SHANK2: variants seen among roughly 807,000 people sequenced by gnomAD.
SHANK2 encodes SH3 and multiple ankyrin repeat domains 2.
A neutral mutation model predicts 133.7 loss-of-function variants in SHANK2; 43 were observed. The observed-to-expected ratio is 0.32, with a 90% CI of 0.25 to 0.41. SHANK2 has a LOEUF of 0.41. Ranked by LOEUF, SHANK2 falls within the 10% of genes least tolerant of loss-of-function variation. The pLI is 1.00. For synonymous variants in SHANK2, 1,017 were observed against 952.8 expected (o/e 1.07, Z -1.24); for missense variants, 1,994 against 2,235.8 (o/e 0.89, Z 2.18).
intron 14 of SHANK2, among the ~76,000 whole-genome samples, chr11:70,738,173 A>G (rs1946446661): frequency 6.6e-6 from 1 of 152,284 alleles, no homozygotes. Flanking sequence ...CACACATTCC[A>G]GGAGGGGCTT....
intron 10 of SHANK2, among the ~76,000 whole-genome samples, chr11:70,911,830 C>T (rs972813300): frequency 1.3e-5 from 2 of 151,806 alleles, no homozygotes; most frequent in Non-Finnish European, 2.9e-5. Context: ...ACCTGTAATC[C>T]CTGCACTTTG....
chr11:70,753,387 A>G (rs1291716311), intron 14 of SHANK2, among the ~76,000 whole-genome samples: 2 of 152,144 alleles, frequency 1.3e-5, no homozygotes, highest in Non-Finnish European at 2.9e-5. Flanking sequence ...ATTCTTTTCA[A>G]TGTCCACAGA....
chr11:71,120,709 T>TG (rs1462615543), intron 3 of SHANK2, among the ~76,000 whole-genome samples: 1 of 152,136 alleles, frequency 6.6e-6, no homozygotes, highest in Non-Finnish European at 1.5e-5. Context: ...CCCCCATCCT[T>TG]GGCTAAGCAA....
At chr11:70,689,820 A>G (rs782350693) in intron 15 of SHANK2, among the ~76,000 whole-genome samples, 3 of 152,226 alleles carry the variant, frequency 2.0e-5, no homozygotes, top group Non-Finnish European at 2.9e-5. Context: ...GAAAAAATAG[A>G]CAAACACAAT....
chr11:70,857,749 A>C, intron 11 of SHANK2, among the ~76,000 whole-genome samples: 1 of 152,196 alleles, frequency 6.6e-6, no homozygotes, highest in East Asian at 1.9e-4. Context: ...GGAAGAACTG[A>C]CGGCAGCCTT....
chr11:70,628,243 A>C (rs1327186796), intron 17 of SHANK2, among the ~76,000 whole-genome samples: 1 of 152,140 alleles, frequency 6.6e-6, no homozygotes, highest in Non-Finnish European at 1.5e-5. Flanking sequence ...GAGAGTTCTT[A>C]AAACTGAAGA....
At chr11:70,731,236 A>G (rs1555032101) in intron 14 of SHANK2, among the ~76,000 whole-genome samples, 43 of 152,232 alleles carry the variant, frequency 2.8e-4, no homozygotes. Flanking sequence ...GGACACAGTA[A>G]GAAGGTGGCC....
intron 12 of SHANK2, among the ~76,000 whole-genome samples, chr11:70,810,597 C>T (rs1479074536): frequency 1.3e-5 from 2 of 152,242 alleles, no homozygotes; most frequent in Non-Finnish European, 2.9e-5. Context: ...ATCATGGGCT[C>T]TGTGGACGGC....
At chr11:70,674,551 G>C (rs1358214679) in intron 15 of SHANK2, among the ~76,000 whole-genome samples, 1 of 152,224 alleles carries the variant, frequency 6.6e-6, no homozygotes, top group Non-Finnish European at 1.5e-5. Context: ...GTTTTGCCAT[G>C]TTGGCCAGGC....
At chr11:70,810,709 T>A (rs1555053022) in intron 12 of SHANK2, among the ~76,000 whole-genome samples, 1 of 152,050 alleles carries the variant, frequency 6.6e-6, no homozygotes, top group East Asian at 1.9e-4. Context: ...GTAAAATAGG[T>A]GGTAGAGGGT....
At chr11:70,648,596 G>A (rs782220827) in intron 17 of SHANK2, among the ~76,000 whole-genome samples, 10 of 152,202 alleles carry the variant, frequency 6.6e-5, no homozygotes, top group Non-Finnish European at 1.3e-4. Context: ...AGGACCAGGG[G>A]TACAATTCCC....
At chr11:71,110,846 T>C (rs782329093) in intron 5 of SHANK2, among the ~76,000 whole-genome samples, 3 of 152,214 alleles carry the variant, frequency 2.0e-5, no homozygotes, top group Non-Finnish European at 2.9e-5. Flanking sequence ...GCAAAATTCA[T>C]AGGTTGAATA....
intron 17 of SHANK2, among the ~76,000 whole-genome samples, chr11:70,657,132 G>A (rs782508562): frequency 2.6e-5 from 4 of 152,178 alleles, no homozygotes; most frequent in African/African-American, 9.7e-5. Context: ...TCACACTTTC[G>A]AGGTTCTTTC....
At chr11:70,785,052 G>T (rs1019924231) in intron 14 of SHANK2, among the ~76,000 whole-genome samples, 1 of 152,186 alleles carries the variant, frequency 6.6e-6, no homozygotes, top group Non-Finnish European at 1.5e-5. Context: ...GTTTCCATGG[G>T]GTGTCCTGAG....
chr11:71,241,500 A>G (rs552225035), intron 1 of SHANK2, among the ~76,000 whole-genome samples: 6 of 152,270 alleles, frequency 3.9e-5, no homozygotes, highest in African/African-American at 1.4e-4. Flanking sequence ...CCATTGCACA[A>G]TCAGCCTGCG....
rs1555158214 is a variant in SHANK2 at position 70,500,613 on chromosome 11, C to T, written c.2288-23G>A. 1 of 1,597,928 alleles carries T rather than the reference C, an allele frequency of 6.3e-7. No individual in the cohort carries two copies. On this transcript the variant is annotated intron_variant, in intron 20 of 25. Coordinates refer to ENST00000601538, the MANE Select transcript of SHANK2 (RefSeq NM_012309.5). The surrounding 1 kb of genome is among the most constrained non-coding windows in gnomAD (Gnocchi z 4.5). ...AGGCTTGCAAACAGAAAGGGGACCG[C>T]CATGAGCCACCAGGATGCAGCGCCC...
rs1361275780 is a variant in SHANK2, at chr11:70,487,224, G to T, written c.3069C>A (p.Pro1023=). ...GGATAGGGATGGAGCACGTCTTCTC[G>T]GGGCTGTCCTCCACGTTGGACTGCT... ...LVKQSNVEDS[P]EKTCSIPIPT... The change falls in exon 25 of 26, where the codon CCC becomes CCA. Residue 1023 remains proline, a synonymous_variant. Transcript: ENST00000601538. This position sits in a 1 kb window ranked among gnomAD's most constrained non-coding sequence, Gnocchi z 5.8. 1 of 1,614,098 alleles carries T rather than the reference G, an allele frequency of 6.2e-7. No individual in the cohort carries two copies. The highest frequency in any genetic ancestry group is 1.7e-5 in the Admixed American group (1 of 60,030).
intron 12 of SHANK2, among the ~76,000 whole-genome samples, chr11:70,817,883 C>T (rs1210772152): frequency 5.9e-5 from 9 of 152,168 alleles, no homozygotes; most frequent in South Asian, 2.1e-4. Flanking sequence ...TACAGGCATG[C>T]GCCACCACAT....
At chr11:70,731,179 C>T (rs1474522391) in intron 14 of SHANK2, among the ~76,000 whole-genome samples, 4 of 152,144 alleles carry the variant, frequency 2.6e-5, no homozygotes, top group African/African-American at 9.7e-5. Context: ...GAAAGAAACA[C>T]CTGTGCACCT....
Sources: allele counts gnomAD v4.1 joint callset (sites outside exome capture counted in the v4.1 genomes callset), GRCh38; gene constraint gnomAD v4.1.1; non-coding constraint Gnocchi (gnomAD v3.1); transcripts MANE v1.5; gene names NCBI Gene and HGNC (gene_info 2026-07-23, HGNC 2026-07-21).